The following NEK11 variants were observed in gnomAD, a reference collection of about 807,000 sequenced individuals.
The protein encoded by NEK11 is serine/threonine-protein kinase Nek11.
A neutral mutation model predicts 80.7 loss-of-function variants in NEK11; 72 were observed. That is an observed-to-expected ratio of 0.89 (90% CI 0.74 to 1.08). The LOEUF is 1.08. NEK11 is among the 50% of genes least tolerant of loss of function. The pLI is 0.00. For synonymous variants in NEK11, 251 were observed against 260.7 expected, an observed-to-expected ratio of 0.96 and a Z score of 0.36; for missense variants, 764 against 763.6, an observed-to-expected ratio of 1.00 and a Z score of -0.01.
chr3:131,345,394 A>C (rs777179036), intron 17 of NEK11, among the ~76,000 whole-genome samples: 12 of 152,258 alleles, frequency 7.9e-5, no homozygotes, highest in Non-Finnish European at 1.6e-4. Flanking sequence ...ATCTGAACAG[A>C]TATCTCTCCA....
At chr3:131,222,023 C>A (rs529912375) in intron 14 of NEK11, among the ~76,000 whole-genome samples, 31 of 152,072 alleles carry the variant, frequency 2.0e-4, no homozygotes, top group African/African-American at 7.5e-4. Flanking sequence ...TCTCCCAGCT[C>A]CCTTAAGACG....
rs145619878 is a variant in NEK11, at chr3:131,218,424, T to C, written c.1400-10104T>C. Among the ~76,000 whole-genome samples, 10 of 152,306 alleles carry C rather than the reference T, an allele frequency of 6.6e-5. No homozygotes were observed. In the East Asian group the frequency reaches 1.9e-3, roughly 29 times the overall value. On this transcript the variant is annotated intron_variant, in intron 14 of 17. Transcript: ENST00000383366. ...CAAAGATGGTTTTACCTTAAGTCAC[T>C]CAGTCATTGGCCAGGACTGCCCCTG...
At chr3:131,100,926 G>A (rs770378071) in intron 4 of NEK11, among the ~76,000 whole-genome samples, 1 of 151,922 alleles carries the variant, frequency 6.6e-6, no homozygotes, top group African/African-American at 2.4e-5. Flanking sequence ...GCTCAGTATT[G>A]GTCTATTCAG....
At chr3:131,159,206 C>T (rs920417267) in intron 10 of NEK11, among the ~76,000 whole-genome samples, 9 of 152,186 alleles carry the variant, frequency 5.9e-5, no homozygotes, top group African/African-American at 1.7e-4. Flanking sequence ...GCAAGAACTT[C>T]GAGAACTCAA....
At chr3:131,062,878 C>T (rs977469134) in intron 3 of NEK11, among the ~76,000 whole-genome samples, 19 of 152,250 alleles carry the variant, frequency 1.2e-4, no homozygotes, top group Non-Finnish European at 2.1e-4. Context: ...TAGTAGGAGA[C>T]TCAGGCATTC....
At chr3:131,159,276 A>C (rs1198618270) in intron 10 of NEK11, among the ~76,000 whole-genome samples, 1 of 152,224 alleles carries the variant, frequency 6.6e-6, no homozygotes, top group Non-Finnish European at 1.5e-5. Context: ...AAGGGTTCTG[A>C]GACAGACTGA....
chr3:131,270,284 T>C (rs1381149365), intron 16 of NEK11, among the ~76,000 whole-genome samples: 1 of 152,224 alleles, frequency 6.6e-6, no homozygotes, highest in Non-Finnish European at 1.5e-5. Flanking sequence ...CCACAAATTA[T>C]GTAGCTGGCC....
intron 3 of NEK11, among the ~76,000 whole-genome samples, chr3:131,033,506 T>A (rs1167140575): frequency 6.6e-6 from 1 of 152,232 alleles, no homozygotes; most frequent in Non-Finnish European, 1.5e-5. Context: ...GTTAAAGGAA[T>A]GACAATAAGT....
chr3:131,112,134 A>G (rs1310706798), intron 5 of NEK11, among the ~76,000 whole-genome samples: 1 of 152,194 alleles, frequency 6.6e-6, no homozygotes, highest in Non-Finnish European at 1.5e-5. Context: ...TGTCCATAGA[A>G]GCCTTTTTTG....
At chr3:131,098,031 C>G (rs1177176449) in intron 4 of NEK11, among the ~76,000 whole-genome samples, 1 of 144,636 alleles carries the variant, frequency 6.9e-6, no homozygotes, top group Non-Finnish European at 1.6e-5. Context: ...CTTTGACAAA[C>G]CTGAGAAAAA....
intron 5 of NEK11, among the ~76,000 whole-genome samples, chr3:131,116,943 G>T (rs1476331976): frequency 1.3e-5 from 2 of 152,100 alleles, no homozygotes; most frequent in Non-Finnish European, 2.9e-5. Flanking sequence ...TCACTCTGAT[G>T]GTAGTTTCTT....
chr3:131,141,109 C>T (rs1465043061), intron 7 of NEK11, among the ~76,000 whole-genome samples: 1 of 151,996 alleles, frequency 6.6e-6, no homozygotes, highest in Admixed American at 6.6e-5. Flanking sequence ...AGGCAGTGTA[C>T]CAGAATAGCT....
At chr3:131,328,781 T>C (rs775471877) in intron 17 of NEK11, 1 of 152,216 alleles carries the variant, frequency 6.6e-6, no homozygotes, top group Non-Finnish European at 1.5e-5. Flanking sequence ...GCTGTTAAGC[T>C]AAAATACTGT....
intron 3 of NEK11, among the ~76,000 whole-genome samples, chr3:131,077,417 G>T (rs1215277753): frequency 2.0e-5 from 3 of 152,144 alleles, no homozygotes; most frequent in East Asian, 3.8e-4. Flanking sequence ...GATTATAATA[G>T]ATATCACCTG....
chr3:131,106,162 A>G (rs770560922), intron 4 of NEK11, among the ~76,000 whole-genome samples: 82 of 152,212 alleles, frequency 5.4e-4, no homozygotes, highest in Non-Finnish European at 9.3e-4. Context: ...AGGAGCATGT[A>G]CTTTTTTATA....
At chr3:131,253,969 G>A (rs2095756751) in intron 16 of NEK11, among the ~76,000 whole-genome samples, 1 of 152,082 alleles carries the variant, frequency 6.6e-6, no homozygotes, top group South Asian at 2.1e-4. Context: ...ATATTACAAA[G>A]TCTTTTCCTT....
chr3:131,309,133 G>A (rs530842222), intron 17 of NEK11, among the ~76,000 whole-genome samples: 2 of 152,270 alleles, frequency 1.3e-5, no homozygotes, highest in South Asian at 2.1e-4. Context: ...ACCCCTGCTC[G>A]AACGCACTAG....
chr3:131,044,422 C>CAAA (rs57412173), intron 3 of NEK11, among the ~76,000 whole-genome samples: 1,797 of 37,644 alleles, frequency 0.048, 123 homozygotes, highest in South Asian at 0.079. Flanking sequence ...AAATGGAAAG[C>CAAA]AAAAAAAAAA....
Position 131,130,049 on chromosome 3 carries a change from T to C in NEK11, c.456-2696T>C, listed in dbSNP as rs1374869887. On this transcript the variant is annotated intron_variant, in intron 5 of 17. Coordinates refer to ENST00000383366, the MANE Select transcript of NEK11 (RefSeq NM_024800.5). ...GAATCCATATCTTGACAATATTGAG[T>C]CTACCTATCCATGAACATGGATTAT... Among the ~76,000 whole-genome samples, 6 of 152,222 alleles carry C rather than the reference T, an allele frequency of 3.9e-5. No homozygotes were observed. The East Asian group carries it at 1.2e-3, about 29-fold the overall frequency.
Sources: allele counts gnomAD v4.1 joint callset (sites outside exome capture counted in the v4.1 genomes callset), GRCh38; gene constraint gnomAD v4.1.1; transcripts MANE v1.5; gene names NCBI Gene and HGNC (gene_info 2026-07-23, HGNC 2026-07-21).